Variants in ZNF410 observed in about 807,000 individuals in gnomAD.
ZNF410 encodes the protein another partner for ARF 1.
ZNF410 carries 18 observed loss-of-function variants against 54.8 expected under a neutral mutation model. That is an observed-to-expected ratio of 0.33 (90% CI 0.23 to 0.49). The LOEUF (loss-of-function observed/expected upper bound fraction) is 0.49. Ranked by LOEUF, ZNF410 falls within the 20% of genes least tolerant of loss-of-function variation. ZNF410 has a pLI of 0.99. For synonymous variants in ZNF410, 191 were observed against 207.3 expected, an observed-to-expected ratio of 0.92 and a Z score of 0.68; for missense variants, 405 against 569.6, an observed-to-expected ratio of 0.71 and a Z score of 2.94.
rs1233510891 is a variant in ZNF410, at chr14:73,905,978, T to C, written c.913+895T>C. 4.8e-4 allele frequency among the ~76,000 whole-genome samples: 68 copies of C among 142,288 alleles called. 1 individual carries two copies. The highest frequency in any genetic ancestry group is 9.8e-4 in the Admixed American group (14 of 14,220). The allele number at this position is 142,288 out of a possible 152,430, so 93.3% of individuals were successfully genotyped here. A position where few individuals can be genotyped will look rare whatever the true frequency, so the allele number is the denominator to read the frequency against. On this transcript the variant is annotated intron_variant, in intron 7 of 11. Transcript: ENST00000555044. ...ACACACACACACACACATATATATATATATATATATATATATACACACATA... is the reference window on the plus strand; with the variant it reads ...ACACACACACACACACATATATATACATATATATATATATATACACACATA...
chr14:73,898,503 G>GA (rs2055357242), intron 5 of ZNF410: 3 of 547,158 alleles, frequency 5.5e-6, no homozygotes, highest in Non-Finnish European at 6.4e-6. Context: ...CCCTTTTAAA[G>GA]AAAAAATAAT....
chr14:73,924,656 C>T (rs1013784885), intron 11 of ZNF410: 2 of 444,280 alleles, frequency 4.5e-6, no homozygotes, highest in African/African-American at 4.1e-5. Context: ...TTATGGTGCT[C>T]TTCCGTCTTT....
chr14:73,897,405 A>G (rs1227767622), intron 4 of ZNF410, among the ~76,000 whole-genome samples: 1 of 152,190 alleles, frequency 6.6e-6, no homozygotes, highest in East Asian at 1.9e-4. Flanking sequence ...GACATATTTA[A>G]AGACATAAGG....
At chr14:73,909,268 T>C (rs2055539260) in intron 7 of ZNF410, 73 bp from the exon 8 acceptor site, 2 of 1,279,740 alleles carry the variant, frequency 1.6e-6, no homozygotes, top group Non-Finnish European at 2.2e-6. Flanking sequence ...CTGAATAAAG[T>C]TGGTGGGAAA....
At chr14:73,926,233 A>G (rs559066689) in intron 11 of ZNF410, among the ~76,000 whole-genome samples, 12 of 152,290 alleles carry the variant, frequency 7.9e-5, no homozygotes, top group African/African-American at 2.2e-4. Context: ...AAAGATAACA[A>G]TAATTTATTG....
At chr14:73,926,363 T>G (rs1449059052) in intron 11 of ZNF410, among the ~76,000 whole-genome samples, 2 of 140,026 alleles carry the variant, frequency 1.4e-5, no homozygotes, top group East Asian at 4.2e-4. Context: ...CTTCTCTTAA[T>G]TCTCTTTATA....
intron 2 of ZNF410, chr14:73,893,565 A>G (rs1345554342): frequency 4.6e-6 from 2 of 433,660 alleles, no homozygotes; most frequent in East Asian, 3.8e-5. Context: ...CCATCATCCT[A>G]TATGTGGTCT....
intron 8 of ZNF410, 125 bp from the exon 9 acceptor site, chr14:73,920,855 C>A: frequency 1.6e-6 from 2 of 1,276,916 alleles, no homozygotes; most frequent in Non-Finnish European, 2.2e-6. Flanking sequence ...TGGGAAGGTG[C>A]GGAATGGGAA....
intron 8 of ZNF410, among the ~76,000 whole-genome samples, chr14:73,919,635 T>C (rs1029229567): frequency 2.0e-5 from 3 of 152,358 alleles, no homozygotes; most frequent in Non-Finnish European, 2.9e-5. Context: ...TTTTTATGGC[T>C]GCATAGTATT....
At chr14:73,905,243 TA>T in intron 7 of ZNF410, 160 bp downstream of exon 7, 1 of 705,558 alleles carries the variant, frequency 1.4e-6, no homozygotes. Context: ...GTTGCACTTA[TA>T]ATAACATTTA....
In ZNF410 at chr14:73,893,826, C is replaced by T. The variant is rs761168463; in HGVS notation, c.63C>T (p.Ser21=). Residue 21 remains serine, a synonymous_variant, in exon 3 of 12, where the codon TCC becomes TCT. Coordinates refer to ENST00000555044, the MANE Select transcript of ZNF410 (RefSeq NM_021188.3). ...TGGTACAGTTTGTTCAGAATACGTC[C>T]ATCCCATTGGGACAGGGGCTTGTAG... ...ELLVQFVQNT[S]IPLGQGLVES... The T allele has an allele frequency of 7.4e-6, 12 of 1,613,210 alleles. No individual in the cohort carries two copies. Among genetic ancestry groups the T allele is most frequent in the Non-Finnish European group, 1.0e-5 (12 of 1,179,840 alleles).
chr14:73,927,250 T>C, intron 11 of ZNF410: 1 of 221,772 alleles, frequency 4.5e-6, no homozygotes, highest in Non-Finnish European at 9.7e-6. Flanking sequence ...CACGCCCGGC[T>C]GTATTTTTAG....
intron 7 of ZNF410, among the ~76,000 whole-genome samples, chr14:73,906,752 T>A (rs1020796049): frequency 1.3e-5 from 2 of 152,216 alleles, no homozygotes; most frequent in African/African-American, 4.8e-5. Flanking sequence ...GTGCTGAGAT[T>A]ATATATGTGA....
Position 73,905,049 on chromosome 14 carries a change from T to G in ZNF410, c.879T>G (p.Ala293=). The change falls in exon 7 of 12, where the codon GCT becomes GCG. Residue 293 remains alanine, a synonymous_variant. Coordinates refer to ENST00000555044, the MANE Select transcript of ZNF410 (RefSeq NM_021188.3). The part of the protein sequence containing the change: ...ESGCGKQFTT[A]GNLKNHRRIH... ...GCTGTGGTAAGCAGTTTACTACAGC[T>G]GGAAACCTGAAGAACCACCGGCGCA... The G allele has an allele frequency of 6.2e-7, 1 of 1,613,794 alleles. No homozygotes were observed. The highest frequency in any genetic ancestry group is 8.5e-7 in the Non-Finnish European group (1 of 1,180,028).
At chr14:73,898,308 AT>A (rs1383280757) in intron 5 of ZNF410, 46 bp downstream of exon 5, 2 of 1,601,430 alleles carry the variant, frequency 1.2e-6, no homozygotes. Flanking sequence ...GTGCAAAGAG[AT>A]TTTGGTAATG....
chr14:73,888,696 T>G (rs535694384), intron 1 of ZNF410, among the ~76,000 whole-genome samples: 2 of 152,296 alleles, frequency 1.3e-5, no homozygotes, highest in Admixed American at 6.5e-5. Flanking sequence ...GAGTAAGGAA[T>G]TGGGAATAGG....
At chr14:73,889,386 C>T (rs1034866263) in intron 1 of ZNF410, among the ~76,000 whole-genome samples, 5 of 145,968 alleles carry the variant, frequency 3.4e-5, no homozygotes, top group Non-Finnish European at 5.9e-5. Context: ...TGGCTGAGAT[C>T]GCGCCACTGC....
At chr14:73,906,025 A>C (rs1230715593) in intron 7 of ZNF410, among the ~76,000 whole-genome samples, 1 of 136,408 alleles carries the variant, frequency 7.3e-6, no homozygotes, top group East Asian at 2.3e-4. Flanking sequence ...TTTGAGATGG[A>C]GTCTTGCTCT....
intron 1 of ZNF410, 139 bp downstream of exon 1, chr14:73,887,054 G>A (rs1354307692): frequency 6.5e-6 from 1 of 152,824 alleles, no homozygotes; most frequent in Admixed American, 6.5e-5. Context: ...ATCCCTCCTG[G>A]ATCTGGCGGG....
Sources: gnomAD v4.1 joint callset for allele counts (sites outside exome capture counted in the v4.1 genomes callset) on GRCh38, gnomAD v4.1.1 for gene constraint, MANE v1.5 for transcripts, NCBI Gene and HGNC (gene_info 2026-07-23, HGNC 2026-07-21) for gene names.